The following SLC25A17 variants were observed in gnomAD, a reference collection of about 807,000 sequenced individuals.
SLC25A17 encodes the protein solute carrier family 25 member 17, also known as peroxisomal membrane protein PMP34.
A neutral mutation model predicts 38.5 loss-of-function variants in SLC25A17; 26 were observed. The observed-to-expected ratio is 0.68, with a 90% CI of 0.50 to 0.94. The LOEUF is 0.94. Among genes scored for constraint, SLC25A17 ranks in the 40% least tolerant of loss-of-function variants. SLC25A17 has a pLI of 0.00. For synonymous variants in SLC25A17, 139 were observed against 136.2 expected, an observed-to-expected ratio of 1.02 and a Z score of -0.14; for missense variants, 333 against 372.7, an observed-to-expected ratio of 0.89 and a Z score of 0.88.
chr22:40,791,860 A>C (rs1347313428), intron 4 of SLC25A17, among the ~76,000 whole-genome samples: 1 of 152,190 alleles, frequency 6.6e-6, no homozygotes, highest in Non-Finnish European at 1.5e-5. Flanking sequence ...AGAATTCCAA[A>C]TGATCCAGCA....
intron 1 of SLC25A17, among the ~76,000 whole-genome samples, chr22:40,815,976 C>T (rs780724812): frequency 1.3e-5 from 2 of 152,084 alleles, no homozygotes; most frequent in Admixed American, 6.5e-5. Flanking sequence ...CACCTGAGGG[C>T]GGGAGCTCAA....
chr22:40,796,140 A>G (rs1363280685), intron 2 of SLC25A17, among the ~76,000 whole-genome samples: 3 of 152,178 alleles, frequency 2.0e-5, no homozygotes, highest in Non-Finnish European at 4.4e-5. Context: ...CTCCTAATCT[A>G]AAAAATAAAG....
chr22:40,776,891 C>T, intron 7 of SLC25A17, 149 bp downstream of exon 7: 1 of 689,134 alleles, frequency 1.5e-6, no homozygotes, highest in Non-Finnish European at 2.4e-6. Context: ...GAGATCCTGT[C>T]TCAAAAAAAG....
At chr22:40,785,827 G>T (rs764862988) in intron 4 of SLC25A17, among the ~76,000 whole-genome samples, 9 of 151,782 alleles carry the variant, frequency 5.9e-5, no homozygotes, top group Non-Finnish European at 1.3e-4. Context: ...GTAGAAATGA[G>T]GTCTTGCTAT....
chr22:40,778,722 A>G (rs990925414), intron 5 of SLC25A17, among the ~76,000 whole-genome samples: 14 of 152,356 alleles, frequency 9.2e-5, no homozygotes, highest in South Asian at 2.1e-4. Flanking sequence ...CAAAATAGAC[A>G]AATGGGATCT....
chr22:40,803,022 T>C lies in SLC25A17; in HGVS notation c.55-3939A>G, dbSNP rs6002152. Among the ~76,000 whole-genome samples the C allele has an allele frequency of 3.6e-3, 548 of 152,352 alleles. 5 individuals are homozygous for C. The highest frequency in any genetic ancestry group is 0.013 in the African/African-American group (527 of 41,584). ...AAACATCATTTCTTTGTGGTGATAA[T>C]ATCGGAAATCTTCTCTTCTAGCTAT... On this transcript the variant is annotated intron_variant, in intron 1 of 8. Transcript: ENST00000435456.
rs765067101 is a variant in SLC25A17, at chr22:40,770,944, C to T, written c.814G>A (p.Ala272Thr). 28 of 1,610,876 alleles carry T rather than the reference C, an allele frequency of 1.7e-5. 1 individual carries two copies. The South Asian group carries it at 3.0e-4, about 17-fold the overall frequency. The change falls in exon 9 of 9, where the codon GCC (alanine) becomes ACC (threonine). Residue 272 changes from alanine to threonine, a missense_variant. Coordinates refer to ENST00000435456, the MANE Select transcript of SLC25A17 (RefSeq NM_006358.4). ...GIMGLYKGLEAKLLQTVLTAA... is the reference protein window; with the variant it reads ...GIMGLYKGLETKLLQTVLTAA... Reference sequence around the variant, plus strand: ...GTGAGGACTGTCTGCAGCAGTTTGGCTTCAAGGCCTTTGTAGAGTCCCATT... The same window carrying T: ...GTGAGGACTGTCTGCAGCAGTTTGGTTTCAAGGCCTTTGTAGAGTCCCATT...
Position 40,796,853 on chromosome 22 carries a change from T to C in SLC25A17, c.115+2170A>G, listed in dbSNP as rs368451476. On this transcript the variant is annotated intron_variant, in intron 2 of 8. Transcript: ENST00000435456. ...GTTATGGTGCATTCACACCATGGAATGGAACACTCCACGGCTGTAAGACAG... is the reference window on the plus strand; with the variant it reads ...GTTATGGTGCATTCACACCATGGAACGGAACACTCCACGGCTGTAAGACAG... Among the ~76,000 whole-genome samples, 3 of 152,174 alleles carry C rather than the reference T, an allele frequency of 2.0e-5. No homozygotes were observed. The East Asian group carries it at 5.8e-4, about 29-fold the overall frequency.
At chr22:40,794,991 G>A (rs968766954) in intron 2 of SLC25A17, among the ~76,000 whole-genome samples, 1 of 152,022 alleles carries the variant, frequency 6.6e-6, no homozygotes, top group African/African-American at 2.4e-5. Flanking sequence ...GGGCTCAAGG[G>A]ATCCTCATGC....
At chr22:40,818,953 T>A in intron 1 of SLC25A17, among the ~76,000 whole-genome samples, 1 of 152,046 alleles carries the variant, frequency 6.6e-6, no homozygotes, top group East Asian at 1.9e-4. Context: ...CGGGCACGTG[T>A]GAACACGGCT....
At position 40,814,923 on chromosome 22, in the gene SLC25A17, C is replaced by T. The variant is rs201710446; in HGVS notation, c.54+4272G>A. Among the ~76,000 whole-genome samples, 4 of 151,832 alleles carry T rather than the reference C, an allele frequency of 2.6e-5. No individual in the cohort carries two copies. In the East Asian group the frequency reaches 5.8e-4, roughly 22 times the overall value. ...CAAGCTCCACCTCCCGGGTTCATGC[C>T]GTTCTCCTGCCTCAGCCTCCCGAGT... On this transcript the variant is annotated intron_variant, in intron 1 of 8. Transcript: ENST00000435456.
chr22:40,799,206 G>C (rs2057459061), intron 1 of SLC25A17, 123 bp from the exon 2 acceptor site: 4 of 444,286 alleles, frequency 9.0e-6, no homozygotes, highest in Non-Finnish European at 4.0e-6. Flanking sequence ...CGGCAGCCTT[G>C]AACTCTTGGG....
At chr22:40,809,297 C>T (rs778705632) in intron 1 of SLC25A17, among the ~76,000 whole-genome samples, 5 of 151,718 alleles carry the variant, frequency 3.3e-5, no homozygotes, top group Non-Finnish European at 7.4e-5. Flanking sequence ...TTCAAGACCA[C>T]CATGGCCAAC....
intron 4 of SLC25A17, 119 bp from the exon 5 acceptor site, chr22:40,779,244 C>G (rs1293821708): frequency 1.3e-6 from 2 of 1,551,430 alleles, no homozygotes; most frequent in Non-Finnish European, 1.7e-6. Context: ...TCTTAGGAGA[C>G]CTAAGGTAAG....
At chr22:40,814,791 T>TATATA (rs1568991013) in intron 1 of SLC25A17, among the ~76,000 whole-genome samples, 1 of 122,562 alleles carries the variant, frequency 8.2e-6, no homozygotes, top group Non-Finnish European at 1.7e-5. Context: ...ATATATATAT[T>TATATA]GTTGTTGTTG....
intron 4 of SLC25A17, chr22:40,784,643 G>A: frequency 1.0e-5 from 2 of 194,946 alleles, no homozygotes; most frequent in South Asian, 6.3e-5. Flanking sequence ...GGGTGTGGTG[G>A]CATCCCTGTA....
intron 4 of SLC25A17, among the ~76,000 whole-genome samples, chr22:40,785,743 A>T (rs1163140844): frequency 1.3e-5 from 2 of 151,842 alleles, no homozygotes; most frequent in Non-Finnish European, 2.9e-5. Context: ...ACAGGGTCTC[A>T]CTCTGAATGA....
At chr22:40,772,693 G>A (rs2057196854) in intron 8 of SLC25A17, among the ~76,000 whole-genome samples, 1 of 151,604 alleles carries the variant, frequency 6.6e-6, no homozygotes, top group Non-Finnish European at 1.5e-5. Flanking sequence ...CTGGAGTACA[G>A]TGGTGCCATC....
rs71200615 is a variant in SLC25A17 at position 40,775,436 on chromosome 22, G to GTTTTTTTT, written c.694-1425_694-1418dup. ...TGAATAAGTCTCATGAGATCTGATG[G>GTTTTTTTT]TTTTTTTTTTTTTTTTTTTTTTTTT... On this transcript the variant is annotated intron_variant, in intron 7 of 8. Coordinates refer to ENST00000435456, the MANE Select transcript of SLC25A17 (RefSeq NM_006358.4). Among the ~76,000 whole-genome samples, 37 of 86,848 alleles carry GTTTTTTTT rather than the reference G, an allele frequency of 4.3e-4. 6 individuals carry two copies. The highest frequency in any genetic ancestry group is 5.9e-4 in the Non-Finnish European group (26 of 44,348). The allele number at this position is 86,848 out of a possible 152,430, so 57.0% of individuals were successfully genotyped here. A position where few individuals can be genotyped will look rare whatever the true frequency, so the allele number is the denominator to read the frequency against.
Sources: allele counts gnomAD v4.1 joint callset (sites outside exome capture counted in the v4.1 genomes callset), GRCh38; gene constraint gnomAD v4.1.1; transcripts MANE v1.5; gene names NCBI Gene and HGNC (gene_info 2026-07-23, HGNC 2026-07-21).